The following MVK variants were observed in gnomAD, a reference collection of about 807,000 sequenced individuals.
The protein encoded by MVK is mevalonate kinase.
In MVK, 34 loss-of-function variants were observed where a neutral mutation model predicts 43.2. The ratio of observed to expected loss-of-function variants is 0.79; its 90% CI spans 0.60 to 1.05. The LOEUF (loss-of-function observed/expected upper bound fraction) is 1.05, where lower values mean the gene tolerates loss of function less well. MVK is among the 50% of genes least tolerant of loss of function. MVK has a pLI of 0.00. For missense variants in MVK, 395 were observed against 504.0 expected, an observed-to-expected ratio of 0.78 and a Z score of 2.07; for synonymous variants, 190 against 219.8, an observed-to-expected ratio of 0.86 and a Z score of 1.20.
At chr12:109,581,276 C>G in intron 4 of MVK, 119 bp from the exon 5 acceptor site, 2 of 1,311,574 alleles carry the variant, frequency 1.5e-6, no homozygotes, top group East Asian at 4.6e-5. Context: ...AGGAATTCTC[C>G]CCCAGTTGAG....
At chr12:109,586,172 C>G in intron 6 of MVK, 47 bp downstream of exon 6, 1 of 1,454,248 alleles carries the variant, frequency 6.9e-7, no homozygotes, top group Non-Finnish European at 9.6e-7. Context: ...TTTAAAAATT[C>G]TTATTACAAT....
chr12:109,596,643 T>A lies in MVK; in HGVS notation c.*66T>A. ...TCTGGATTATTCTGGGGGCTGCAGTTCGACTCTGTGCTGGCCAGCGAGCGC... is the reference window on the plus strand; with the variant it reads ...TCTGGATTATTCTGGGGGCTGCAGTACGACTCTGTGCTGGCCAGCGAGCGC... On this transcript the variant is annotated 3_prime_UTR_variant, in exon 11 of 11. Transcript: ENST00000228510. 1 of 1,583,882 alleles carries A rather than the reference T, an allele frequency of 6.3e-7. No homozygotes were observed. The highest frequency in any genetic ancestry group is 8.5e-7 in the Non-Finnish European group (1 of 1,170,194).
At chr12:109,573,469 G>A, upstream of MVK, 2 of 1,603,978 alleles carry the variant, frequency 1.2e-6, no homozygotes, top group Admixed American at 1.7e-5. Context: ...TCCCCAGGCC[G>A]CACACAGCCA....
chr12:109,587,041 G>A (rs1885465147), intron 7 of MVK: 2 of 544,642 alleles, frequency 3.7e-6, no homozygotes, highest in South Asian at 2.0e-5. Context: ...ATGCATGGCT[G>A]TGCCCGTAGA....
In MVK at chr12:109,596,537, C is replaced by G. The variant is rs104895383; in HGVS notation, c.1151C>G (p.Ser384Cys). 1 of 1,612,068 alleles carries G rather than the reference C, an allele frequency of 6.2e-7. No individual in the cohort carries two copies. Among genetic ancestry groups the G allele is most frequent in the Admixed American group, 1.7e-5 (1 of 60,036 alleles). The change falls in exon 11 of 11, where the codon TCC becomes TGC. Residue 384 changes from serine to cysteine, a missense_variant. By Grantham distance (112) the Ser-to-Cys change is moderately radical. Coordinates refer to ENST00000228510, the MANE Select transcript of MVK (RefSeq NM_000431.4). ...APGVSIHSAT[S>C]LDSRVQQALD... is the part of the protein sequence containing the mutation. ...GGCGTCTCCATCCACTCAGCCACCT[C>G]CCTGGACAGCCGAGTCCAGCAAGCC...
At position 109,586,087 on chromosome 12, in the gene MVK, G is replaced by A; in HGVS notation, c.593G>A (p.Gly198Glu). The A allele has an allele frequency of 1.9e-6, 3 of 1,614,210 alleles. No homozygotes were observed. Among genetic ancestry groups the A allele is most frequent in the Non-Finnish European group, 2.5e-6 (3 of 1,180,022 alleles). ...WAFQGERMIH[G>E]NPSGVDNAVS... The stretch of plus-strand genomic sequence containing the variant: ...TTCCAAGGGGAGAGAATGATTCACG[G>A]GAACCCCTCCGGAGTGGACAATGCT... Residue 198 changes from glycine (G) to glutamate (E), a missense_variant, in exon 6 of 11, where the codon GGG becomes GAG. Physicochemically the swap from Gly to Glu is moderately conservative, Grantham distance 98. Transcript: ENST00000228510.
At chr12:109,573,622 A>T, upstream of MVK, 2 of 1,004,508 alleles carry the variant, frequency 2.0e-6, no homozygotes, top group Non-Finnish European at 3.0e-6. Context: ...GGACACTCCC[A>T]GGGACTTGTT....
intron 3 of MVK, chr12:109,579,385 C>G: frequency 2.8e-6 from 1 of 351,730 alleles, no homozygotes; most frequent in South Asian, 2.1e-5. Flanking sequence ...AGTGATCTGC[C>G]CACCTTGGCC....
chr12:109,579,947 G>T lies in MVK; in HGVS notation c.371+1G>T. 1 of 1,614,214 alleles carries T rather than the reference G, an allele frequency of 6.2e-7. No homozygotes were observed. Among genetic ancestry groups the T allele is most frequent in the East Asian group, 2.2e-5 (1 of 44,884 alleles). ...ACCTGTCCATCTGCCGGAAGCAGAG[G>T]TGTGTGCGTGGTCTGGGGAAGGAGT... On this transcript the variant is annotated splice_donor_variant, in intron 4 of 10. Transcript: ENST00000228510. LOFTEE classifies it high-confidence loss of function.
At chr12:109,592,782 A>G (rs1885740245) in intron 9 of MVK, among the ~76,000 whole-genome samples, 1 of 152,108 alleles carries the variant, frequency 6.6e-6, no homozygotes, top group African/African-American at 2.4e-5. Context: ...AGCACCTACT[A>G]TGTGCCAGGG....
At chr12:109,583,367 C>G (rs868197751) in intron 5 of MVK, among the ~76,000 whole-genome samples, 1 of 151,774 alleles carries the variant, frequency 6.6e-6, no homozygotes, top group African/African-American at 2.4e-5. Flanking sequence ...TTTGTTCTTG[C>G]GATAGTTTAC....
At chr12:109,590,316 A>G (rs1006494876) in intron 7 of MVK, 8 of 307,850 alleles carry the variant, frequency 2.6e-5, no homozygotes, top group African/African-American at 1.5e-4. Flanking sequence ...TTCTCACTGG[A>G]TGACTGTGCC....
In MVK at chr12:109,594,933, A is replaced by G. The variant is rs1885848863; in HGVS notation, c.886-95A>G. ...GCAAAGCCGTTGGCTGTCTCCAGCC[A>G]ACAACTGTCAGATGGACGAGGCAGG... On this transcript the variant is annotated intron_variant, in intron 9 of 10. Coordinates refer to ENST00000228510, the MANE Select transcript of MVK (RefSeq NM_000431.4). 2.6e-6 allele frequency: 4 copies of G among 1,531,402 alleles called. No homozygotes were observed. In the Admixed American group the frequency reaches 5.1e-5, roughly 20 times the overall value. The allele number at this position is 1,531,402 out of a possible 1,614,324, so 94.9% of individuals were successfully genotyped here.
chr12:109,575,052 C>T, intron 2 of MVK, 152 bp downstream of exon 2: 1 of 765,796 alleles, frequency 1.3e-6, no homozygotes, highest in Non-Finnish European at 2.3e-6. Context: ...ATTTCTTATG[C>T]CCACTGAAGG....
At chr12:109,580,195 C>T (rs1885157489) in intron 4 of MVK, among the ~76,000 whole-genome samples, 2 of 152,164 alleles carry the variant, frequency 1.3e-5, no homozygotes, top group South Asian at 4.1e-4. Context: ...CTCGACCTCC[C>T]AGGCTCAAGT....
chr12:109,591,562 C>G (rs575250400), intron 9 of MVK, among the ~76,000 whole-genome samples: 2 of 152,300 alleles, frequency 1.3e-5, no homozygotes, highest in South Asian at 4.1e-4. Flanking sequence ...CTGGGTGATT[C>G]CGAGTAATTG....
At chr12:109,589,231 T>C (rs1327654674) in intron 7 of MVK, 1 of 152,346 alleles carries the variant, frequency 6.6e-6, no homozygotes, top group African/African-American at 2.4e-5. Context: ...GTGGGGCTGG[T>C]GACAGGCCTG....
intron 7 of MVK, chr12:109,587,200 G>C (rs533193162): frequency 3.5e-6 from 1 of 283,118 alleles, no homozygotes; most frequent in East Asian, 8.0e-5. Context: ...CTGCTTGTGG[G>C]GGTGGGGCCA....
At chr12:109,587,936 G>T (rs977832741) in intron 7 of MVK, 1 of 152,330 alleles carries the variant, frequency 6.6e-6, no homozygotes, top group Non-Finnish European at 1.5e-5. Context: ...CACCCTCAGC[G>T]TGGCAATCAA....
Sources: allele counts gnomAD v4.1 joint callset (sites outside exome capture counted in the v4.1 genomes callset), GRCh38; gene constraint gnomAD v4.1.1; transcripts MANE v1.5; gene names NCBI Gene and HGNC (gene_info 2026-07-23, HGNC 2026-07-21).